The following VPS13B variants were observed in gnomAD, a reference collection of about 807,000 sequenced individuals.
VPS13B encodes the protein intermembrane lipid transfer protein VPS13B.
Under a neutral mutation model 426.4 loss-of-function variants are expected in VPS13B, and 285 were observed. That is an observed-to-expected ratio of 0.67 (90% CI 0.61 to 0.74). VPS13B has a LOEUF of 0.74. Among genes scored for constraint, VPS13B ranks in the 30% least tolerant of loss-of-function variants. The pLI is 0.00. For missense variants in VPS13B, 4,537 were observed against 4,782.6 expected, an observed-to-expected ratio of 0.95 and a Z score of 1.51; for synonymous variants, 1,676 against 1,676.4, an observed-to-expected ratio of 1.00 and a Z score of 0.01.
intron 19 of VPS13B, among the ~76,000 whole-genome samples, chr8:99,278,210 T>C (rs1298892869): frequency 1.3e-5 from 2 of 152,070 alleles, no homozygotes; most frequent in African/African-American, 4.8e-5. Context: ...ACTCTCAAAT[T>C]GAGGGGGATG....
intron 16 of VPS13B, among the ~76,000 whole-genome samples, chr8:99,174,802 A>T (rs1474790202): frequency 6.6e-6 from 1 of 152,192 alleles, no homozygotes; most frequent in Non-Finnish European, 1.5e-5. Flanking sequence ...ACATTCTCTT[A>T]ATTAAGGGAA....
At chr8:99,793,980 G>T (rs1812686173) in intron 43 of VPS13B, among the ~76,000 whole-genome samples, 1 of 152,158 alleles carries the variant, frequency 6.6e-6, no homozygotes. Flanking sequence ...GCTTGGCTGG[G>T]TGCAGTGGTG....
At chr8:99,674,910 T>A (rs577612002) in intron 35 of VPS13B, among the ~76,000 whole-genome samples, 105 of 152,260 alleles carry the variant, frequency 6.9e-4, no homozygotes, top group South Asian at 1.4e-3. Context: ...ATATTGTATA[T>A]TCCTTAACAA....
At chr8:99,138,190 G>C (rs1408830518) in intron 12 of VPS13B, among the ~76,000 whole-genome samples, 1 of 152,148 alleles carries the variant, frequency 6.6e-6, no homozygotes, top group Non-Finnish European at 1.5e-5. Context: ...GCAGCGTCAT[G>C]ATCTCGGCTC....
At chr8:99,050,057 G>C (rs1040186132) in intron 3 of VPS13B, among the ~76,000 whole-genome samples, 8 of 149,880 alleles carry the variant, frequency 5.3e-5, no homozygotes, top group African/African-American at 2.0e-4. Context: ...ATTATACTTT[G>C]AGTTTTAGGG....
At chr8:99,701,824 G>A (rs959758778) in intron 36 of VPS13B, among the ~76,000 whole-genome samples, 1 of 151,964 alleles carries the variant, frequency 6.6e-6, no homozygotes, top group African/African-American at 2.4e-5. Flanking sequence ...TTTTCTTTAT[G>A]CATACTCAAA....
chr8:99,585,712 AATT>A (rs1826271309), intron 33 of VPS13B, among the ~76,000 whole-genome samples: 1 of 152,196 alleles, frequency 6.6e-6, no homozygotes, highest in Non-Finnish European at 1.5e-5. Context: ...AAAAACTCAC[AATT>A]ATCATCATAG....
intron 23 of VPS13B, among the ~76,000 whole-genome samples, chr8:99,454,271 A>G (rs1394348879): frequency 2.0e-5 from 3 of 152,036 alleles, no homozygotes; most frequent in African/African-American, 7.3e-5. Flanking sequence ...TGCAGCCTCA[A>G]ACTCCTGTTC....
intron 3 of VPS13B, among the ~76,000 whole-genome samples, chr8:99,043,447 CTG>C (rs541800397): frequency 6.9e-4 from 105 of 152,200 alleles, no homozygotes; most frequent in African/African-American, 2.5e-3. Flanking sequence ...TGGCTGAAGT[CTG>C]TGTTTATCGT....
At chr8:99,561,522 T>G (rs761679016) in intron 31 of VPS13B, among the ~76,000 whole-genome samples, 3 of 152,196 alleles carry the variant, frequency 2.0e-5, no homozygotes, top group Non-Finnish European at 4.4e-5. Flanking sequence ...AAACTGTACT[T>G]TGCATACCTG....
chr8:99,685,311 T>A (rs1403772396), intron 35 of VPS13B, among the ~76,000 whole-genome samples: 1 of 152,264 alleles, frequency 6.6e-6, no homozygotes, highest in Non-Finnish European at 1.5e-5. Context: ...ATTTATCATC[T>A]CACAATTCTA....
intron 24 of VPS13B, among the ~76,000 whole-genome samples, chr8:99,475,903 A>G (rs1311402362): frequency 6.6e-6 from 1 of 152,236 alleles, no homozygotes; most frequent in African/African-American, 2.4e-5. Flanking sequence ...GAAATGTAGT[A>G]ACTCTTATCT....
intron 39 of VPS13B, among the ~76,000 whole-genome samples, chr8:99,726,188 T>C (rs1170324148): frequency 6.6e-6 from 1 of 152,214 alleles, no homozygotes; most frequent in Non-Finnish European, 1.5e-5. Context: ...AGGTTCTGAA[T>C]AAAAACCTCA....
At chr8:99,120,171 G>A (rs1199833688) in intron 7 of VPS13B, 1 of 152,150 alleles carries the variant, frequency 6.6e-6, no homozygotes, top group Non-Finnish European at 1.5e-5. Context: ...GGGATTACAG[G>A]TTTAAGTCAC....
chr8:99,508,630 C>G (rs945593540), intron 28 of VPS13B, among the ~76,000 whole-genome samples: 3 of 151,974 alleles, frequency 2.0e-5, no homozygotes, highest in Non-Finnish European at 2.9e-5. Flanking sequence ...GATTTATTTT[C>G]CTCTCTTTGA....
chr8:99,136,888 T>C (rs1158358785), intron 12 of VPS13B, 136 bp downstream of exon 12: 1 of 829,594 alleles, frequency 1.2e-6, no homozygotes. Context: ...AGTGGTTTAA[T>C]TTTAACATCA....
At chr8:99,337,126 A>G (rs1810937474) in intron 19 of VPS13B, among the ~76,000 whole-genome samples, 1 of 152,114 alleles carries the variant, frequency 6.6e-6, no homozygotes, top group Admixed American at 6.5e-5. Context: ...ATGTCCAACA[A>G]CGATAGACTG....
intron 36 of VPS13B, among the ~76,000 whole-genome samples, chr8:99,710,994 A>G (rs892669855): frequency 5.3e-5 from 8 of 151,982 alleles, no homozygotes; most frequent in Admixed American, 3.9e-4. Flanking sequence ...ACAGAGTGAG[A>G]CTCTGCCTCT....
At chr8:99,556,776 T>A in intron 31 of VPS13B, 123 bp downstream of exon 31, 1 of 1,063,986 alleles carries the variant, frequency 9.4e-7, no homozygotes, top group Non-Finnish European at 1.4e-6. Context: ...CTTTTCATTA[T>A]AAGCATAAAA....
Sources: allele counts gnomAD v4.1 joint callset (sites outside exome capture counted in the v4.1 genomes callset), GRCh38; gene constraint gnomAD v4.1.1; transcripts MANE v1.5; gene names NCBI Gene and HGNC (gene_info 2026-07-23, HGNC 2026-07-21).